MGAM: variants seen among roughly 807,000 people sequenced by gnomAD.
MGAM encodes maltase-glucoamylase, also known as alpha-1,4-glucosidase.
Under a neutral mutation model 358.8 loss-of-function variants are expected in MGAM, and 253 were observed. The ratio of observed to expected loss-of-function variants is 0.71; its 90% CI spans 0.64 to 0.78. MGAM has a LOEUF of 0.78. Among genes scored for constraint, MGAM ranks in the 30% least tolerant of loss-of-function variants. MGAM has a pLI of 0.00. For missense variants in MGAM, 3,080 were observed against 3,432.6 expected (o/e 0.90, Z 2.57); for synonymous variants, 1,105 against 1,227.1 (o/e 0.90, Z 2.08).
chr7:142,082,013 T>C lies in MGAM; in HGVS notation c.6003-29T>C, dbSNP rs1315912860. 2.6e-6 allele frequency: 4 copies of C among 1,548,494 alleles called. 1 individual carries two copies. The highest frequency in any genetic ancestry group is 3.5e-6 in the Non-Finnish European group (4 of 1,127,216). Reference sequence around the variant, plus strand: ...GAAGCAGAGAGAAAAGCCCATTTTCTGTTTCAAATCTGCCTTTTTGTGTTT... The same window carrying C: ...GAAGCAGAGAGAAAAGCCCATTTTCCGTTTCAAATCTGCCTTTTTGTGTTT... On this transcript the variant is annotated intron_variant, in intron 50 of 70. Transcript: ENST00000475668.
At chr7:142,000,720 G>A (rs1376424426) in intron 1 of MGAM, among the ~76,000 whole-genome samples, 2 of 151,912 alleles carry the variant, frequency 1.3e-5, no homozygotes, top group African/African-American at 4.8e-5. Context: ...ACCTTTATTT[G>A]TATATACATT....
intron 21 of MGAM, among the ~76,000 whole-genome samples, chr7:142,042,050 A>AAT (rs367917450): frequency 0.34 from 20,675 of 60,192 alleles, 4,446 homozygotes; most frequent in Non-Finnish European, 0.38. Flanking sequence ...TATAATATAT[A>AAT]ATATATATAC....
chr7:142,022,507 T>G (rs1554459337), intron 7 of MGAM, 68 bp downstream of exon 7: 12 of 1,505,848 alleles, frequency 8.0e-6, no homozygotes. Flanking sequence ...ACCTCTAGTA[T>G]TACAGTGTAG....
chr7:142,025,198 C>T (rs1554460453), intron 8 of MGAM, 49 bp downstream of exon 8: 2 of 1,360,380 alleles, frequency 1.5e-6, no homozygotes, highest in Middle Eastern at 1.8e-4. Flanking sequence ...ATTTTCAGTC[C>T]CTTTCTTACA....
chr7:142,022,589 G>T, intron 7 of MGAM, 150 bp downstream of exon 7: 1 of 773,676 alleles, frequency 1.3e-6, no homozygotes, highest in Non-Finnish European at 1.9e-6. Flanking sequence ...CCAGTTACGT[G>T]GTTCTGGGTG....
In MGAM at chr7:142,042,192, AC is replaced by A. The variant is rs1808889975; in HGVS notation, c.2498+1347del. ...ATATAATATATAACATATTATATAT[AC>A]ATATAATATATAACATATTATATAT... On this transcript the variant is annotated intron_variant, in intron 21 of 70. Transcript: ENST00000475668. Among the ~76,000 whole-genome samples the A allele has an allele frequency of 7.7e-3, 7 of 906 alleles. 3 individuals are homozygous for A. Among genetic ancestry groups the A allele is most frequent in the African/African-American group, 0.036 (7 of 192 alleles). 0.6% of individuals were successfully genotyped at this position (906 alleles called of 152,430 possible). A position where few individuals can be genotyped will look rare whatever the true frequency, so the allele number is the denominator to read the frequency against.
intron 38 of MGAM, 21 bp downstream of exon 38, chr7:142,065,489 G>T (rs755772920): frequency 3.7e-6 from 6 of 1,613,458 alleles, no homozygotes; most frequent in Non-Finnish European, 5.1e-6. Flanking sequence ...CCTTCCCCAG[G>T]GCCTTTGCCG....
Position 142,105,812 on chromosome 7 carries a change from A to G in MGAM, c.8185-2A>G. ...CAATTCTTTTCCTTTGGTTCCTAAC[A>G]GGTATTAAGCATCGATGTGACTGAC... is the stretch of plus-strand genomic sequence containing the variant. On this transcript the variant is annotated splice_acceptor_variant, in intron 70 of 70. Transcript: ENST00000475668. LOFTEE classifies it high-confidence loss of function. The G allele has an allele frequency of 1.2e-6, 2 of 1,611,728 alleles. No individual in the cohort carries two copies. The highest frequency in any genetic ancestry group is 1.7e-4 in the Middle Eastern group (1 of 6,056).
At chr7:142,082,619 C>A in intron 52 of MGAM, 48 bp downstream of exon 52, 1 of 1,339,710 alleles carries the variant, frequency 7.5e-7, no homozygotes, top group Non-Finnish European at 1.0e-6. Context: ...ACCAGTCATG[C>A]CTGAGTCAGT....
At chr7:142,079,131 A>C (rs1248771422) in intron 49 of MGAM, 123 bp downstream of exon 49, 2 of 925,926 alleles carry the variant, frequency 2.2e-6, no homozygotes, top group Admixed American at 5.3e-5. Context: ...GTCATTATCC[A>C]GAGAACATTG....
At chr7:142,017,331 C>T (rs1330695118) in intron 3 of MGAM, among the ~76,000 whole-genome samples, 1 of 152,118 alleles carries the variant, frequency 6.6e-6, no homozygotes, top group Non-Finnish European at 1.5e-5. Context: ...TAATTCTATT[C>T]ATGCCATCAT....
In MGAM at chr7:142,030,766, A is replaced by G; in HGVS notation, c.1470+9A>G. ...CTCCACTCATTGGGGAGGTAACTTA[A>G]TGGGAAGGCTGGAGGCTGGTGGAGG... On this transcript the variant is annotated intron_variant, in intron 12 of 70. Transcript: ENST00000475668. 1 of 1,570,998 alleles carries G rather than the reference A, an allele frequency of 6.4e-7. No homozygotes were observed. The highest frequency in any genetic ancestry group is 1.7e-5 in the Admixed American group (1 of 59,868).
chr7:142,041,701 T>C (rs1288429085), intron 21 of MGAM, among the ~76,000 whole-genome samples: 6 of 150,396 alleles, frequency 4.0e-5, no homozygotes, highest in Admixed American at 1.4e-4. Flanking sequence ...GACATACGTA[T>C]GTATTTTACA....
rs1805359795 is a variant in MGAM at position 142,008,693 on chromosome 7, G to A, written c.315G>A (p.Gln105=). The part of the protein sequence containing the change: ...ELERINCIPD[Q]PPTKATCDQR... Reference sequence around the variant, plus strand: ...AACGAATTAATTGCATCCCTGACCAGCCGCCAACAAAGGTTTGAGTTATGA... The same window carrying A: ...AACGAATTAATTGCATCCCTGACCAACCGCCAACAAAGGTTTGAGTTATGA... Residue 105 remains glutamine, a synonymous_variant, in exon 3 of 71, where the codon CAG becomes CAA. Transcript: ENST00000475668. 6 of 1,612,272 alleles carry A rather than the reference G, an allele frequency of 3.7e-6. No individual in the cohort carries two copies. Among genetic ancestry groups the A allele is most frequent in the Non-Finnish European group, 5.1e-6 (6 of 1,179,070 alleles).
chr7:142,105,982 T>A lies in MGAM; in HGVS notation c.*91T>A. On this transcript the variant is annotated 3_prime_UTR_variant, in exon 71 of 71. Transcript: ENST00000475668. ...AAAATTATTGTGTGTTGCTAATTTG[T>A]TCATACCCACTATTGGTGAAATATT... 3 of 998,586 alleles carry A rather than the reference T, an allele frequency of 3.0e-6. No homozygotes were observed. The South Asian group carries it at 4.1e-5, about 14-fold the overall frequency. 61.9% of individuals were successfully genotyped at this position (998,586 alleles called of 1,614,324 possible).
Position 142,055,430 on chromosome 7 carries a change from C to T in MGAM, c.3315-128C>T. Reference sequence around the variant, plus strand: ...GTGATATTTTAATCAAATTGAGTTTCAGTTTTGTTTGGGATATGAACAGCT... The same window carrying T: ...GTGATATTTTAATCAAATTGAGTTTTAGTTTTGTTTGGGATATGAACAGCT... On this transcript the variant is annotated intron_variant, in intron 27 of 70. Coordinates refer to ENST00000475668, the MANE Select transcript of MGAM (RefSeq NM_001365693.1). 2.7e-6 allele frequency: 3 copies of T among 1,119,186 alleles called. No individual in the cohort carries two copies. In the South Asian group the frequency reaches 4.0e-5, roughly 15 times the overall value. 69.3% of individuals were successfully genotyped at this position (1,119,186 alleles called of 1,614,324 possible).
In MGAM at chr7:142,080,829, C is replaced by A; in HGVS notation, c.5886C>A (p.Val1962=). The A allele has an allele frequency of 6.4e-7, 1 of 1,556,082 alleles. No homozygotes were observed. Among genetic ancestry groups the A allele is most frequent in the Non-Finnish European group, 8.8e-7 (1 of 1,132,296 alleles). ...DPNNNRYEVP[V]PLNIPSVPSS... Reference sequence around the variant, plus strand: ...ACAACAATCGGTATGAAGTTCCAGTCCCTCTGAACATACCCAGCGTGCCAT... The same window carrying A: ...ACAACAATCGGTATGAAGTTCCAGTACCTCTGAACATACCCAGCGTGCCAT... The change falls in exon 50 of 71, where the codon GTC becomes GTA. Residue 1962 remains valine (V), a synonymous_variant. Transcript: ENST00000475668.
At chr7:142,083,201 A>G (rs1299862161) in intron 52 of MGAM, 100 bp from the exon 53 acceptor site, 1 of 937,522 alleles carries the variant, frequency 1.1e-6, no homozygotes, top group East Asian at 2.7e-5. Context: ...TTACTACTCT[A>G]CGATAGGGAG....
rs761301600 is a variant in MGAM at position 142,054,887 on chromosome 7, G to A, written c.3293G>A (p.Arg1098Gln). The change falls in exon 27 of 71, where the codon CGG becomes CAG. Residue 1098 changes from arginine (R) to glutamine (Q), a missense_variant. Coordinates refer to ENST00000475668, the MANE Select transcript of MGAM (RefSeq NM_001365693.1). Reference sequence around the variant, plus strand: ...AATCCATTTGGGATTGAAATTCGCCGGAAGAGTACAGGCACTATAATGTGA... The same window carrying A: ...AATCCATTTGGGATTGAAATTCGCCAGAAGAGTACAGGCACTATAATGTGA... ...KKNPFGIEIR[R>Q]KSTGTIIWDS... 1.6e-5 allele frequency: 26 copies of A among 1,611,980 alleles called. No individual in the cohort carries two copies. Among genetic ancestry groups the A allele is most frequent in the Middle Eastern group, 1.6e-4 (1 of 6,078 alleles).
Sources: allele counts gnomAD v4.1 joint callset (sites outside exome capture counted in the v4.1 genomes callset), GRCh38; gene constraint gnomAD v4.1.1; transcripts MANE v1.5; gene names NCBI Gene and HGNC (gene_info 2026-07-23, HGNC 2026-07-21).